The following TENM2 variants were observed in gnomAD, a reference collection of about 807,000 sequenced individuals.
TENM2 encodes the protein teneurin transmembrane protein 2.
TENM2 carries 52 observed loss-of-function variants against 245.2 expected under a neutral mutation model. That is an observed-to-expected ratio of 0.21 (90% CI 0.17 to 0.27). TENM2 has a LOEUF of 0.27. Among genes scored for constraint, TENM2 ranks in the 10% least tolerant of loss-of-function variants. The pLI, the probability that TENM2 is intolerant of heterozygous loss-of-function variation, is 1.00. For missense variants in TENM2, 3,046 were observed against 3,666.8 expected (o/e 0.83, Z 4.37); for synonymous variants, 1,363 against 1,438.9 (o/e 0.95, Z 1.19).
intron 13 of TENM2, among the ~76,000 whole-genome samples, chr5:168,171,363 A>C (rs1758809386): frequency 6.6e-6 from 1 of 152,254 alleles, no homozygotes; most frequent in Non-Finnish European, 1.5e-5. Flanking sequence ...CCTTTCAGCT[A>C]ACCACCATGA....
chr5:167,295,937 C>T (rs1754925615), intron 1 of TENM2, among the ~76,000 whole-genome samples: 1 of 152,048 alleles, frequency 6.6e-6, no homozygotes, highest in South Asian at 2.1e-4. Context: ...GTGTGCACCA[C>T]AATATTAAAA....
intron 2 of TENM2, among the ~76,000 whole-genome samples, chr5:167,804,235 T>TTA (rs1422116054): frequency 6.6e-6 from 1 of 152,088 alleles, no homozygotes; most frequent in Non-Finnish European, 1.5e-5. Flanking sequence ...TGTATTTAAA[T>TTA]TTATTTTTTC....
chr5:167,150,669 T>A, the TENM2 span, among the ~76,000 whole-genome samples: 1 of 152,294 alleles, frequency 6.6e-6, no homozygotes, highest in Non-Finnish European at 1.5e-5. Context: ...TACATAGAGG[T>A]TAATGTGTCC....
chr5:168,106,259 A>G (rs1323781383), intron 9 of TENM2, among the ~76,000 whole-genome samples: 1 of 152,236 alleles, frequency 6.6e-6, no homozygotes, highest in Non-Finnish European at 1.5e-5. Context: ...AGAAAAAAAC[A>G]GGAATCTTGC....
intron 2 of TENM2, among the ~76,000 whole-genome samples, chr5:167,674,996 A>G (rs1344357350): frequency 1.3e-5 from 2 of 152,126 alleles, no homozygotes; most frequent in African/African-American, 2.4e-5. Context: ...AACAAATGCA[A>G]GAAAGTAAAT....
intron 3 of TENM2, among the ~76,000 whole-genome samples, chr5:167,880,599 G>A (rs1448001505): frequency 6.6e-6 from 1 of 152,186 alleles, no homozygotes; most frequent in East Asian, 1.9e-4. Flanking sequence ...AGGCCAGAAA[G>A]AAGTTTGTCA....
intron 2 of TENM2, among the ~76,000 whole-genome samples, chr5:167,652,624 A>G (rs781526455): frequency 1.3e-5 from 2 of 152,088 alleles, no homozygotes; most frequent in Non-Finnish European, 2.9e-5. Context: ...TGTTAGTAGT[A>G]TTCCTATTAT....
intron 9 of TENM2, among the ~76,000 whole-genome samples, chr5:168,112,386 C>T (rs2152317491): frequency 6.6e-6 from 1 of 152,212 alleles, no homozygotes; most frequent in East Asian, 1.9e-4. Flanking sequence ...ACCCTCTACC[C>T]TCCAGAAGGT....
intron 2 of TENM2, among the ~76,000 whole-genome samples, chr5:167,836,355 A>C (rs1768986243): frequency 1.3e-5 from 2 of 152,164 alleles, no homozygotes; most frequent in Admixed American, 6.5e-5. Flanking sequence ...ACCAGGCCCT[A>C]CCTCCAGGAA....
the TENM2 span, among the ~76,000 whole-genome samples, chr5:167,114,464 A>G: frequency 1.3e-5 from 2 of 152,350 alleles, no homozygotes; most frequent in African/African-American, 4.8e-5. Context: ...TTATCAGGAA[A>G]ATAATCACTG....
the TENM2 span, among the ~76,000 whole-genome samples, chr5:167,004,667 G>A: frequency 6.6e-6 from 1 of 152,174 alleles, no homozygotes; most frequent in Admixed American, 6.5e-5. Context: ...ATTTTAATAT[G>A]AGTAGGGTTG....
chr5:167,635,738 G>A lies in TENM2; in HGVS notation c.503-240248G>A, dbSNP rs193282774. On this transcript the variant is annotated intron_variant, in intron 2 of 28. Transcript: ENST00000518659. ...CGGCTCACTGCAAGCTCCGCCTCCC[G>A]GGTTCACGCCATTCTCCTGCCTCAG... Among the ~76,000 whole-genome samples the A allele has an allele frequency of 4.9e-3, 697 of 140,820 alleles. 9 individuals are homozygous for A. The highest frequency in any genetic ancestry group is 0.039 in the East Asian group (169 of 4,360). The allele number at this position is 140,820 out of a possible 152,430, so 92.4% of individuals were successfully genotyped here.
intron 1 of TENM2, among the ~76,000 whole-genome samples, chr5:167,334,176 A>C (rs1352783682): frequency 2.0e-5 from 3 of 152,206 alleles, no homozygotes; most frequent in African/African-American, 7.2e-5. Flanking sequence ...TGGGAAAATT[A>C]AAATGAAGAC....
the TENM2 span, among the ~76,000 whole-genome samples, chr5:167,220,301 T>C: frequency 6.6e-6 from 1 of 152,218 alleles, no homozygotes. Flanking sequence ...TGTTCGTTTT[T>C]GGCACTTATA....
chr5:167,905,663 G>A (rs1677904951), intron 3 of TENM2, among the ~76,000 whole-genome samples: 1 of 152,184 alleles, frequency 6.6e-6, no homozygotes, highest in South Asian at 2.1e-4. Flanking sequence ...GGATATCTGT[G>A]TTTGAGAAAT....
chr5:168,214,877 T>G (rs1432363543), intron 20 of TENM2, 163 bp from the exon 23 acceptor site: 1 of 705,554 alleles, frequency 1.4e-6, no homozygotes, highest in South Asian at 1.5e-5. Flanking sequence ...AGAACCATGA[T>G]GTGTTAGAAC....
At chr5:168,232,706 T>C (rs1398268731) in intron 25 of TENM2, among the ~76,000 whole-genome samples, 2 of 152,146 alleles carry the variant, frequency 1.3e-5, no homozygotes, top group Admixed American at 1.3e-4. Flanking sequence ...AATAGAACAG[T>C]GCCCAGTGAA....
chr5:168,098,841 A>G (rs1793577086), intron 9 of TENM2, among the ~76,000 whole-genome samples: 1 of 152,136 alleles, frequency 6.6e-6, no homozygotes, highest in South Asian at 2.1e-4. Flanking sequence ...ATGTCTAAAT[A>G]CAAGTAGGAA....
intron 2 of TENM2, among the ~76,000 whole-genome samples, chr5:167,530,442 T>C (rs1023188260): frequency 2.0e-5 from 3 of 152,242 alleles, no homozygotes; most frequent in African/African-American, 7.2e-5. Context: ...TTTCCTTCTC[T>C]TATGTCTTTT....
Sources: gnomAD v4.1 joint callset for allele counts (sites outside exome capture counted in the v4.1 genomes callset) on GRCh38, gnomAD v4.1.1 for gene constraint, MANE v1.5 for transcripts, NCBI Gene and HGNC (gene_info 2026-07-23, HGNC 2026-07-21) for gene names.